Variants in KCTD16 observed in about 807,000 individuals in gnomAD.
The protein encoded by KCTD16 is BTB/POZ domain-containing protein KCTD16.
Under a neutral mutation model 33.2 loss-of-function variants are expected in KCTD16, and 13 were observed. The observed-to-expected ratio is 0.39, with a 90% CI of 0.25 to 0.62. The LOEUF (loss-of-function observed/expected upper bound fraction) is 0.62. Ranked by LOEUF, KCTD16 falls within the 20% of genes least tolerant of loss-of-function variation. KCTD16 has a pLI of 0.50. For synonymous variants in KCTD16, 197 were observed against 195.3 expected (o/e 1.01, Z -0.07); for missense variants, 441 against 525.1 (o/e 0.84, Z 1.57).
intron 3 of KCTD16, among the ~76,000 whole-genome samples, chr5:144,210,068 T>C (rs917721868): frequency 1.3e-5 from 2 of 151,882 alleles, no homozygotes; most frequent in African/African-American, 4.8e-5. Flanking sequence ...TGATGGTTCA[T>C]AATCATGGGG....
At chr5:144,328,839 G>A (rs1472548246) in intron 3 of KCTD16, among the ~76,000 whole-genome samples, 1 of 150,804 alleles carries the variant, frequency 6.6e-6, no homozygotes, top group African/African-American at 2.5e-5. Context: ...TTATGGCTGG[G>A]AAAGACTTTG....
intron 3 of KCTD16, among the ~76,000 whole-genome samples, chr5:144,354,526 C>T (rs549778248): frequency 1.5e-4 from 23 of 152,270 alleles, no homozygotes; most frequent in African/African-American, 5.3e-4. Context: ...ATCCTTAGAG[C>T]CTCTAAACTC....
At chr5:144,414,392 T>C (rs1425811649) in intron 3 of KCTD16, among the ~76,000 whole-genome samples, 1 of 152,206 alleles carries the variant, frequency 6.6e-6, no homozygotes, top group Non-Finnish European at 1.5e-5. Flanking sequence ...GGCCTGTGTG[T>C]TCCTGCAAAG....
intron 3 of KCTD16, among the ~76,000 whole-genome samples, chr5:144,320,135 A>C (rs1752035006): frequency 6.6e-6 from 1 of 152,174 alleles, no homozygotes; most frequent in Non-Finnish European, 1.5e-5. Flanking sequence ...TAACAGTCTC[A>C]GAAGACTTTC....
chr5:144,226,585 T>C (rs1753937723), intron 3 of KCTD16, among the ~76,000 whole-genome samples: 1 of 152,076 alleles, frequency 6.6e-6, no homozygotes, highest in South Asian at 2.1e-4. Flanking sequence ...TATGTCTTTT[T>C]TTTTTTTGAC....
chr5:144,265,105 A>G (rs1018770860), intron 3 of KCTD16, among the ~76,000 whole-genome samples: 1 of 152,208 alleles, frequency 6.6e-6, no homozygotes, highest in African/African-American at 2.4e-5. Flanking sequence ...TTTCCGTAAA[A>G]GGAAATTGTT....
intron 2 of KCTD16, among the ~76,000 whole-genome samples, chr5:144,204,637 A>G (rs1753118889): frequency 2.6e-5 from 4 of 152,124 alleles, no homozygotes; most frequent in Admixed American, 2.0e-4. Context: ...GCAGGTATCA[A>G]TTTCTTACAG....
rs923517313 is a variant in KCTD16 at position 144,253,031 on chromosome 5, T to C, written c.832+45485T>C. Among the ~76,000 whole-genome samples, 4 of 152,040 alleles carry C rather than the reference T, an allele frequency of 2.6e-5. No homozygotes were observed. In the East Asian group the frequency reaches 7.7e-4, roughly 29 times the overall value. On this transcript the variant is annotated intron_variant, in intron 3 of 3. Coordinates refer to ENST00000512467, the MANE Select transcript of KCTD16 (RefSeq NM_020768.4). Reference sequence around the variant, plus strand: ...CTGCTTGGAGCCATTTCTAATTCTCTTAATAAAGTGAGTAGTGTTAAAAAT... The same window carrying C: ...CTGCTTGGAGCCATTTCTAATTCTCCTAATAAAGTGAGTAGTGTTAAAAAT...
chr5:144,361,906 TTGTGTGTGTGTGTGTGTGTG>T (rs3996310), intron 3 of KCTD16, among the ~76,000 whole-genome samples: 4 of 143,886 alleles, frequency 2.8e-5, no homozygotes, highest in African/African-American at 5.2e-5. Flanking sequence ...TGGTGTTATT[TTGTGTGTGTGTGTGTGTGTG>T]TGTGTGTGTG....
In KCTD16 at chr5:144,361,906, TTGTGTGTG is replaced by T. The variant is rs3996310; in HGVS notation, c.833-111719_833-111712del. Reference sequence around the variant, plus strand: ...TTGTTGTTATGAGGCTGGTGTTATTTTGTGTGTGTGTGTGTGTGTGTGTGTGTGTGTGT... The same window carrying T: ...TTGTTGTTATGAGGCTGGTGTTATTTTGTGTGTGTGTGTGTGTGTGTGTGT... On this transcript the variant is annotated intron_variant, in intron 3 of 3. Coordinates refer to ENST00000512467, the MANE Select transcript of KCTD16 (RefSeq NM_020768.4). Among the ~76,000 whole-genome samples the T allele has an allele frequency of 1.9e-3, 273 of 143,972 alleles. 1 individual carries two copies. Among genetic ancestry groups the T allele is most frequent in the Middle Eastern group, 3.5e-3 (1 of 286 alleles). 94.5% of individuals were successfully genotyped at this position (143,972 alleles called of 152,430 possible).
intron 3 of KCTD16, among the ~76,000 whole-genome samples, chr5:144,382,017 T>TATACATACATACATAC (rs111382461): frequency 0.08 from 11,958 of 149,808 alleles, 1,147 homozygotes; most frequent in African/African-American, 0.23. Flanking sequence ...AAGATGTTTA[T>TATACATACATACATAC]ATACATACAT....
intron 3 of KCTD16, among the ~76,000 whole-genome samples, chr5:144,243,229 G>T (rs1005877611): frequency 6.6e-6 from 1 of 152,062 alleles, no homozygotes; most frequent in Admixed American, 6.6e-5. Context: ...CTTTTGATGT[G>T]GATCTTGATT....
chr5:144,367,957 A>G (rs1751876106), intron 3 of KCTD16, among the ~76,000 whole-genome samples: 1 of 151,724 alleles, frequency 6.6e-6, no homozygotes, highest in South Asian at 2.1e-4. Flanking sequence ...CTCTTCTGAT[A>G]CGTTCTAACA....
intron 3 of KCTD16, among the ~76,000 whole-genome samples, chr5:144,337,654 A>G (rs1180608320): frequency 1.3e-5 from 2 of 152,192 alleles, no homozygotes; most frequent in South Asian, 2.1e-4. Flanking sequence ...CTTATATGCA[A>G]TATTAGACAT....
chr5:144,244,650 G>C (rs897799290), intron 3 of KCTD16, among the ~76,000 whole-genome samples: 1 of 151,974 alleles, frequency 6.6e-6, no homozygotes, highest in African/African-American at 2.4e-5. Flanking sequence ...CTGTGTTTTT[G>C]CTTGGGATTG....
At chr5:144,393,863 C>T (rs924318217) in intron 3 of KCTD16, among the ~76,000 whole-genome samples, 1 of 151,640 alleles carries the variant, frequency 6.6e-6, no homozygotes, top group Admixed American at 6.6e-5. Flanking sequence ...CAGCTTGTTT[C>T]GCAGCTCCAC....
intron 3 of KCTD16, among the ~76,000 whole-genome samples, chr5:144,363,702 C>T (rs769214830): frequency 1.3e-5 from 2 of 152,034 alleles, no homozygotes. Flanking sequence ...GGTGCTAAAT[C>T]GCCTAGTCTC....
At chr5:144,471,162 G>A (rs541243258) in intron 3 of KCTD16, among the ~76,000 whole-genome samples, 3 of 152,236 alleles carry the variant, frequency 2.0e-5, no homozygotes, top group African/African-American at 7.2e-5. Context: ...CAGCCTGGGC[G>A]ATAGAGCAAG....
intron 3 of KCTD16, among the ~76,000 whole-genome samples, chr5:144,445,280 A>G (rs965409620): frequency 1.3e-5 from 2 of 151,996 alleles, no homozygotes; most frequent in Non-Finnish European, 2.9e-5. Flanking sequence ...TTCATAAACA[A>G]CTGTCATCTA....
Sources: gnomAD v4.1 joint callset for allele counts (sites outside exome capture counted in the v4.1 genomes callset) on GRCh38, gnomAD v4.1.1 for gene constraint, MANE v1.5 for transcripts, NCBI Gene and HGNC (gene_info 2026-07-23, HGNC 2026-07-21) for gene names.